MAP7D3: variants seen among roughly 807,000 people sequenced by gnomAD.
MAP7D3 encodes MAP7 domain containing 3.
Under a neutral mutation model 62.2 loss-of-function variants are expected in MAP7D3, and 45 were observed. That is an observed-to-expected ratio of 0.72 (90% CI 0.57 to 0.93). The LOEUF is 0.93. MAP7D3 is among the 40% of genes least tolerant of loss of function. The probability of loss-of-function intolerance (pLI) is 0.00; values close to 1 mark genes in which losing one functional copy is unlikely to be tolerated. For synonymous variants in MAP7D3, 288 were observed against 248.8 expected (o/e 1.16, Z -1.48); for missense variants, 711 against 683.1 (o/e 1.04, Z -0.45).
At chrX:136,237,888 A>G (rs755657327) in intron 6 of MAP7D3, among the ~76,000 whole-genome samples, 1 of 69,145 alleles carries the variant, frequency 1.4e-5, no homozygotes, top group African/African-American at 5.6e-5. Context: ...CCCACACCCC[A>G]CAACAGGCCC....
intron 3 of MAP7D3, 24 bp from the exon 4 acceptor site, chrX:136,244,819 C>T (rs374757103): frequency 1.7e-6 from 2 of 1,148,806 alleles, no homozygotes; most frequent in African/African-American, 1.8e-5. Flanking sequence ...AATACATTTT[C>T]AAGGTGTAAG....
At chrX:136,252,484 C>A (rs1304734201), upstream of MAP7D3, among the ~76,000 whole-genome samples, 1 of 104,300 alleles carries the variant, frequency 9.6e-6, no homozygotes. Flanking sequence ...CGAGACTAGC[C>A]TGGCCAACAT....
At chrX:136,241,086 G>T in intron 5 of MAP7D3, 74 bp downstream of exon 5, 1 of 578,014 alleles carries the variant, frequency 1.7e-6, no homozygotes, top group Non-Finnish European at 2.8e-6. Context: ...TGCTGTAAAT[G>T]CAAGCTTCTA....
intron 3 of MAP7D3, among the ~76,000 whole-genome samples, chrX:136,245,419 G>A (rs771115493): frequency 1.8e-5 from 2 of 111,967 alleles, no homozygotes; most frequent in Admixed American, 9.5e-5. Flanking sequence ...TCTTATCTAT[G>A]TTAGGATTAT....
chrX:136,229,636 T>C (rs2148405794), intron 10 of MAP7D3, among the ~76,000 whole-genome samples: 1 of 109,520 alleles, frequency 9.1e-6, no homozygotes, highest in Non-Finnish European at 1.9e-5. Context: ...ATGTGCTCTC[T>C]CCAAGAACCA....
At chrX:136,240,636 T>G (rs889351325) in intron 5 of MAP7D3, 150 bp from the exon 6 acceptor site, 7 of 427,706 alleles carry the variant, frequency 1.6e-5, no homozygotes, top group Non-Finnish European at 2.0e-5. Flanking sequence ...AATCCTTTTT[T>G]TTTAGTAGAG....
At chrX:136,232,336 A>G in intron 7 of MAP7D3, 116 bp from the exon 8 acceptor site, 1 of 508,603 alleles carries the variant, frequency 2.0e-6, no homozygotes, top group Non-Finnish European at 3.3e-6. Flanking sequence ...TTAGGAAAGC[A>G]CAGGGATTAC....
At chrX:136,231,358 T>C (rs745645090) in intron 8 of MAP7D3, among the ~76,000 whole-genome samples, 186 bp downstream of exon 8, 1 of 112,027 alleles carries the variant, frequency 8.9e-6, no homozygotes, top group Admixed American at 9.5e-5. Context: ...GGAGGAAAAG[T>C]GGTACAATGA....
At chrX:136,236,766 C>T (rs1046276966) in intron 6 of MAP7D3, among the ~76,000 whole-genome samples, 1 of 111,734 alleles carries the variant, frequency 8.9e-6, no homozygotes, top group Admixed American at 9.5e-5. Flanking sequence ...ACATGAAACT[C>T]CAATATCAAT....
At chrX:136,251,520 C>T (rs2074514110), upstream of MAP7D3, 3 of 845,202 alleles carry the variant, frequency 3.5e-6, no homozygotes, top group Non-Finnish European at 4.3e-6. Context: ...ACCTGCGAAC[C>T]GGGCAGGATT....
chrX:136,252,676 C>CAAAAAAAAAAAAAAA (rs770751343), upstream of MAP7D3, among the ~76,000 whole-genome samples: 7 of 36,053 alleles, frequency 1.9e-4, no homozygotes, highest in African/African-American at 4.0e-4. Context: ...GACTCTGTCT[C>CAAAAAAAAAAAAAAA]AAAAAAAAAA....
At chrX:136,256,343 T>C (rs1569532620), upstream of MAP7D3, 6 of 1,154,737 alleles carry the variant, frequency 5.2e-6, no homozygotes, top group Non-Finnish European at 6.9e-6. Flanking sequence ...GATGGCAGCC[T>C]TCTCAGCTCT....
chrX:136,221,863 C>T (rs2074134561), intron 15 of MAP7D3: 1 of 112,954 alleles, frequency 8.9e-6, no homozygotes, highest in South Asian at 3.6e-4. Flanking sequence ...ACCTGACTTT[C>T]CTGTTCAACA....
intron 1 of MAP7D3, among the ~76,000 whole-genome samples, chrX:136,250,739 A>C (rs1158761288): frequency 1.8e-5 from 2 of 112,262 alleles, no homozygotes; most frequent in East Asian, 5.6e-4. Flanking sequence ...GGACTGCGAC[A>C]GTAAAAGCGC....
chrX:136,218,122 G>A lies in MAP7D3; in HGVS notation c.*404C>T, dbSNP rs1200961169. On this transcript the variant is annotated 3_prime_UTR_variant, in exon 19 of 19. Transcript: ENST00000316077. ...AAGATTTCAAATATATACTGAAAGA[G>A]AATTAGTTCTGCAATCAGATTCTTC... The A allele has an allele frequency of 9.0e-6, 1 of 111,269 alleles. No individual in the cohort carries two copies. The highest frequency in any genetic ancestry group is 4.8e-3 in the Middle Eastern group (1 of 208). The allele number at this position is 111,269 out of a possible 1,213,427, so 9.2% of individuals were successfully genotyped here. A position where few individuals can be genotyped will look rare whatever the true frequency, so the allele number is the denominator to read the frequency against.
At chrX:136,231,118 G>A in intron 8 of MAP7D3, 152 bp from the exon 9 acceptor site, 1 of 385,017 alleles carries the variant, frequency 2.6e-6, no homozygotes. Context: ...TGAGAATCAG[G>A]ACATTGATAT....
Position 136,240,328 on chromosome X carries a change from A to G in MAP7D3, c.640+54T>C, listed in dbSNP as rs190297816. ...AATAGGTGGTACTGTAAAAATATAAAGAACTGATTTCATTTAATAGAAATT... is the reference window on the plus strand; with the variant it reads ...AATAGGTGGTACTGTAAAAATATAAGGAACTGATTTCATTTAATAGAAATT... On this transcript the variant is annotated intron_variant, in intron 6 of 18. Transcript: ENST00000316077. 1,288 of 751,240 alleles carry G rather than the reference A, an allele frequency of 1.7e-3. 1 individual carries two copies. The highest frequency in any genetic ancestry group is 2.3e-3 in the Non-Finnish European group (1,083 of 481,228). The allele number at this position is 751,240 out of a possible 1,213,427, so 61.9% of individuals were successfully genotyped here.
chrX:136,250,437 T>C (rs986742198), intron 1 of MAP7D3, among the ~76,000 whole-genome samples: 2 of 111,594 alleles, frequency 1.8e-5, no homozygotes, highest in African/African-American at 6.5e-5. Flanking sequence ...TGTCAAATTG[T>C]ATAAGATTAA....
At chrX:136,236,982 G>A (rs1226736320) in intron 6 of MAP7D3, among the ~76,000 whole-genome samples, 1 of 111,670 alleles carries the variant, frequency 9.0e-6, no homozygotes, top group Non-Finnish European at 1.9e-5. Context: ...TCAGGTCCTG[G>A]ACCTTACAAG....
Sources: allele counts gnomAD v4.1 joint callset (sites outside exome capture counted in the v4.1 genomes callset), GRCh38; gene constraint gnomAD v4.1.1; transcripts MANE v1.5; gene names NCBI Gene and HGNC (gene_info 2026-07-23, HGNC 2026-07-21).